Variants in ITPRID2 observed in about 807,000 individuals in gnomAD.
The protein encoded by ITPRID2 is protein ITPRID2.
ITPRID2 carries 60 observed loss-of-function variants against 124.3 expected under a neutral mutation model. That is an observed-to-expected ratio of 0.48 (90% CI 0.39 to 0.60). The LOEUF (loss-of-function observed/expected upper bound fraction) is 0.60. Ranked by LOEUF, ITPRID2 falls within the 20% of genes least tolerant of loss-of-function variation. ITPRID2 has a pLI of 0.00. For missense variants in ITPRID2, 1,553 were observed against 1,512.2 expected, an observed-to-expected ratio of 1.03 and a Z score of -0.45; for synonymous variants, 521 against 542.9, an observed-to-expected ratio of 0.96 and a Z score of 0.56.
At chr2:181,929,490 T>A in intron 17 of ITPRID2, 71 bp from the exon 18 acceptor site, 1 of 1,020,458 alleles carries the variant, frequency 9.8e-7, no homozygotes, top group Non-Finnish European at 1.5e-6. Flanking sequence ...AATTCTCATC[T>A]TCCTTTAAAG....
At chr2:181,909,091 C>T (rs1693393153) in intron 8 of ITPRID2, among the ~76,000 whole-genome samples, 2 of 152,114 alleles carry the variant, frequency 1.3e-5, no homozygotes, top group African/African-American at 4.8e-5. Flanking sequence ...AAATTATGTA[C>T]TTGTGCAGAT....
chr2:181,908,215 A>G (rs554338683), intron 8 of ITPRID2, among the ~76,000 whole-genome samples: 1 of 152,288 alleles, frequency 6.6e-6, no homozygotes, highest in East Asian at 1.9e-4. Flanking sequence ...TACCAAAAAT[A>G]CAAAAATTAC....
chr2:181,920,572 A>G (rs768074317), intron 14 of ITPRID2, 25 bp from the exon 15 acceptor site: 5 of 1,566,246 alleles, frequency 3.2e-6, no homozygotes, highest in Non-Finnish European at 4.4e-6. Context: ...ACATATACAT[A>G]TATATATTGT....
intron 4 of ITPRID2, among the ~76,000 whole-genome samples, chr2:181,897,581 T>C (rs1290451184): frequency 6.6e-6 from 1 of 150,672 alleles, no homozygotes; most frequent in Non-Finnish European, 1.5e-5. Context: ...AGCTTTCTTG[T>C]ACAAAAAATA....
In ITPRID2 at chr2:181,919,992, GAAAC is replaced by G. The variant is rs1159655045; in HGVS notation, c.3144+548_3144+551del. 6.6e-6 allele frequency among the ~76,000 whole-genome samples: 1 copy of G among 151,896 alleles called. No homozygotes were observed. The highest frequency in any genetic ancestry group is 1.5e-5 in the Non-Finnish European group (1 of 67,928). On this transcript the variant is annotated intron_variant, in intron 14 of 17. Transcript: ENST00000431877. The surrounding 1 kb of genome is among the most constrained non-coding windows in gnomAD (Gnocchi z 4.2). ...AGATATATATCCAAGAGAATAAAAA[GAAAC>G]ATGTTTTTGTACCACTTTTCATACT... is the stretch of plus-strand genomic sequence containing the variant.
intron 10 of ITPRID2, among the ~76,000 whole-genome samples, chr2:181,914,179 G>C (rs1457253226): frequency 6.6e-6 from 1 of 152,124 alleles, no homozygotes; most frequent in Non-Finnish European, 1.5e-5. Context: ...CCAGTAAACA[G>C]AGATTATTGT....
intron 16 of ITPRID2, among the ~76,000 whole-genome samples, chr2:181,927,173 G>T (rs989658328): frequency 2.0e-5 from 3 of 152,154 alleles, no homozygotes; most frequent in Non-Finnish European, 4.4e-5. Context: ...TTTTTGGAAA[G>T]ATTATAGTTA....
rs540000236 is a variant in ITPRID2, at chr2:181,900,563, G to T, written c.504-133G>T. 1.2e-5 allele frequency: 8 copies of T among 670,108 alleles called. No homozygotes were observed. The Admixed American group carries it at 1.2e-4, about 10-fold the overall frequency. 41.5% of individuals were successfully genotyped at this position (670,108 alleles called of 1,614,324 possible). A position where few individuals can be genotyped will look rare whatever the true frequency, so the allele number is the denominator to read the frequency against. ...TGTAAACATGGTAAAATAAATAATG[G>T]TTTCCAGAGCAGAAGCTGAGAAAAA... On this transcript the variant is annotated intron_variant, in intron 6 of 17. Transcript: ENST00000431877.
intron 14 of ITPRID2, 55 bp from the exon 15 acceptor site, chr2:181,920,540 GCA>G: frequency 3.5e-6 from 4 of 1,148,546 alleles, no homozygotes; most frequent in Non-Finnish European, 5.0e-6. Context: ...AATTATATAT[GCA>G]TGTATGTATA....
chr2:181,892,788 C>A lies in ITPRID2; in HGVS notation c.257+128C>A, dbSNP rs1312032968. 3.9e-6 allele frequency: 4 copies of A among 1,031,610 alleles called. No individual in the cohort carries two copies. Among genetic ancestry groups the A allele is most frequent in the Non-Finnish European group, 5.9e-6 (4 of 681,738 alleles). 63.9% of individuals were successfully genotyped at this position (1,031,610 alleles called of 1,614,324 possible). ...GTAAGCTACAAACCGGAAAGTGAGCCGGCGGATAGCTTCCTCCTCTAAGCG... is the reference window on the plus strand; with the variant it reads ...GTAAGCTACAAACCGGAAAGTGAGCAGGCGGATAGCTTCCTCCTCTAAGCG... On this transcript the variant is annotated intron_variant, in intron 2 of 17. Transcript: ENST00000431877. The surrounding 1 kb of genome is among the most constrained non-coding windows in gnomAD (Gnocchi z 5.2).
Position 181,930,553 on chromosome 2 carries a change from A to G in ITPRID2, c.*1006A>G, listed in dbSNP as rs185176638. 6.3e-4 allele frequency: 96 copies of G among 152,664 alleles called. No homozygotes were observed. Among genetic ancestry groups the G allele is most frequent in the African/African-American group, 2.2e-3 (92 of 41,550 alleles). The allele number at this position is 152,664 out of a possible 1,614,324, so 9.5% of individuals were successfully genotyped here. A position where few individuals can be genotyped will look rare whatever the true frequency, so the allele number is the denominator to read the frequency against. On this transcript the variant is annotated 3_prime_UTR_variant, in exon 18 of 18. Coordinates refer to ENST00000431877, the MANE Select transcript of ITPRID2 (RefSeq NM_001130445.3). Reference sequence around the variant, plus strand: ...ATGTTATTAGAATTTTTCTTCTAGCATTTATAATTTTTTCAACTCCTATTG... The same window carrying G: ...ATGTTATTAGAATTTTTCTTCTAGCGTTTATAATTTTTTCAACTCCTATTG...
rs766053101 is a variant in ITPRID2, at chr2:181,905,390, T to C, written c.1413+2924T>C. Among the ~76,000 whole-genome samples, 1 of 152,184 alleles carries C rather than the reference T, an allele frequency of 6.6e-6. No homozygotes were observed. Among genetic ancestry groups the C allele is most frequent in the Non-Finnish European group, 1.5e-5 (1 of 68,030 alleles). On this transcript the variant is annotated intron_variant, in intron 8 of 17. Transcript: ENST00000431877. The surrounding 1 kb of genome is among the most constrained non-coding windows in gnomAD (Gnocchi z 4.1). Reference sequence around the variant, plus strand: ...AAGTTATTAAATCCTGTTCTTGAATTTCTAATTATTCCAAATGACTTGCTT... The same window carrying C: ...AAGTTATTAAATCCTGTTCTTGAATCTCTAATTATTCCAAATGACTTGCTT...
At chr2:181,908,331 A>G (rs1392100314) in intron 8 of ITPRID2, among the ~76,000 whole-genome samples, 1 of 152,246 alleles carries the variant, frequency 6.6e-6, no homozygotes, top group Non-Finnish European at 1.5e-5. Flanking sequence ...CAGTATTCCT[A>G]GAACATAAAT....
rs200238401 is a variant in ITPRID2 at position 181,922,280 on chromosome 2, T to A, written c.3543T>A (p.Ala1181=). 7 of 1,614,056 alleles carry A rather than the reference T, an allele frequency of 4.3e-6. No homozygotes were observed. Among genetic ancestry groups the A allele is most frequent in the Non-Finnish European group, 5.9e-6 (7 of 1,180,048 alleles). ...AAAGTTCTGAGGAAGTTGATGCAGC[T>A]GAAGGAGCCCCAGAAGTTGTAGGAC... is the stretch of plus-strand genomic sequence containing the variant. ...DLESSEEVDA[A]EGAPEVVGPK... The change falls in exon 16 of 18, where the codon GCT becomes GCA. Residue 1181 remains alanine (A), a synonymous_variant. Coordinates refer to ENST00000431877, the MANE Select transcript of ITPRID2 (RefSeq NM_001130445.3).
At position 181,902,524 on chromosome 2, in the gene ITPRID2, A is replaced by G. The variant is rs971804784; in HGVS notation, c.1413+58A>G. 2.4e-6 allele frequency: 3 copies of G among 1,274,140 alleles called. No individual in the cohort carries two copies. The African/African-American group carries it at 4.5e-5, about 19-fold the overall frequency. The allele number at this position is 1,274,140 out of a possible 1,614,324, so 78.9% of individuals were successfully genotyped here. On this transcript the variant is annotated intron_variant, in intron 8 of 17. Transcript: ENST00000431877. This position sits in a 1 kb window ranked among gnomAD's most constrained non-coding sequence, Gnocchi z 4.4. The stretch of plus-strand genomic sequence containing the variant: ...TTGCAGACTAGGAAAAAAAGTACCA[A>G]AAATGCTTATAAAATGAGAGGTAGC...
Position 181,891,927 on chromosome 2 carries a change from C to T in ITPRID2, c.-140C>T, listed in dbSNP as rs1420599875. On this transcript the variant is annotated 5_prime_UTR_variant, in exon 1 of 18. Coordinates refer to ENST00000431877, the MANE Select transcript of ITPRID2 (RefSeq NM_001130445.3). ...CTCCCTCCCTCCCTGTCCCCTCCTC[C>T]TCCTCCTCCTCCTCCGGCGCCCGCT... 1.1e-5 allele frequency: 7 copies of T among 622,974 alleles called. No homozygotes were observed. In the Admixed American group the frequency reaches 1.3e-4, roughly 11 times the overall value. 38.6% of individuals were successfully genotyped at this position (622,974 alleles called of 1,614,324 possible).
intron 2 of ITPRID2, among the ~76,000 whole-genome samples, chr2:181,895,069 G>A (rs967052196): frequency 6.6e-6 from 1 of 152,042 alleles, no homozygotes. Flanking sequence ...AAAGCACTAA[G>A]TTTTAAAGAG....
Position 181,915,407 on chromosome 2 carries a change from A to G in ITPRID2, c.1767A>G (p.Arg589=). The change falls in exon 11 of 18, where the codon AGA becomes AGG. Residue 589 remains arginine (R), a synonymous_variant. Transcript: ENST00000431877. ...LEKAAAVADK[R]KSGSQDFPQC... ...AGGCAGCAGCAGTTGCAGACAAAAG[A>G]AAATCAGGTAGCCAGGATTTCCCTC... 1 of 1,614,152 alleles carries G rather than the reference A, an allele frequency of 6.2e-7. No individual in the cohort carries two copies. The highest frequency in any genetic ancestry group is 1.1e-5 in the South Asian group (1 of 91,076).
rs1694265538 is a variant in ITPRID2 at position 181,918,780 on chromosome 2, T to G, written c.2891T>G (p.Met964Arg). ...YENTFQELQV[M>R]RRSLNLFRTQ... Reference sequence around the variant, plus strand: ...AATACTTTTCAGGAGCTCCAGGTAATGAGGCGGAGCCTGAATTTGTTTAGA... The same window carrying G: ...AATACTTTTCAGGAGCTCCAGGTAAGGAGGCGGAGCCTGAATTTGTTTAGA... Residue 964 changes from methionine to arginine, a missense_variant, in exon 13 of 18, where the codon ATG becomes AGG. By Grantham distance (91) the Met-to-Arg change is moderately conservative. Coordinates refer to ENST00000431877, the MANE Select transcript of ITPRID2 (RefSeq NM_001130445.3). 3.1e-6 allele frequency: 5 copies of G among 1,614,106 alleles called. No individual in the cohort carries two copies. Among genetic ancestry groups the G allele is most frequent in the Middle Eastern group, 3.3e-4 (2 of 6,060 alleles).
Sources: allele counts gnomAD v4.1 joint callset (sites outside exome capture counted in the v4.1 genomes callset), GRCh38; gene constraint gnomAD v4.1.1; non-coding constraint Gnocchi (gnomAD v3.1); transcripts MANE v1.5; gene names NCBI Gene and HGNC (gene_info 2026-07-23, HGNC 2026-07-21).